C4BPA: variants seen among roughly 807,000 people sequenced by gnomAD.
C4BPA encodes the protein C4b-binding protein alpha chain.
C4BPA carries 31 observed loss-of-function variants against 63.7 expected under a neutral mutation model. The observed-to-expected ratio is 0.49, with a 90% CI of 0.37 to 0.66. The LOEUF (loss-of-function observed/expected upper bound fraction) is 0.66. Ranked by LOEUF, C4BPA falls within the 30% of genes least tolerant of loss-of-function variation. The probability of loss-of-function intolerance (pLI) is 0.00; values close to 1 mark genes in which losing one functional copy is unlikely to be tolerated. For synonymous variants in C4BPA, 259 were observed against 254.7 expected (o/e 1.02, Z -0.16); for missense variants, 572 against 723.3 (o/e 0.79, Z 2.40).
Position 207,115,526 on chromosome 1 carries a change from G to C in C4BPA, c.428+11G>C. 7.3e-7 allele frequency: 1 copy of C among 1,372,158 alleles called. No individual in the cohort carries two copies. Among genetic ancestry groups the C allele is most frequent in the South Asian group, 1.3e-5 (1 of 76,246 alleles). 85.0% of individuals were successfully genotyped at this position (1,372,158 alleles called of 1,614,324 possible). On this transcript the variant is annotated intron_variant, in intron 4 of 11. Coordinates refer to ENST00000367070, the MANE Select transcript of C4BPA (RefSeq NM_000715.4). ...CAGCTGTTCAGAAGGGTGAGTGTGA[G>C]GTAATCTATGAACAATTCTTTTATA...
chr1:207,130,089 A>G (rs1685129074), intron 7 of C4BPA, among the ~76,000 whole-genome samples: 1 of 152,156 alleles, frequency 6.6e-6, no homozygotes, highest in Non-Finnish European at 1.5e-5. Flanking sequence ...AGGAGTAGTA[A>G]TATATATTAT....
intron 9 of C4BPA, among the ~76,000 whole-genome samples, chr1:207,134,884 C>A (rs1572795269): frequency 6.6e-6 from 1 of 152,094 alleles, no homozygotes; most frequent in Non-Finnish European, 1.5e-5. Flanking sequence ...ATTTCTGGTC[C>A]ATATGTCTCA....
At chr1:207,121,630 T>C (rs1362942489) in intron 4 of C4BPA, among the ~76,000 whole-genome samples, 1 of 152,092 alleles carries the variant, frequency 6.6e-6, no homozygotes, top group Non-Finnish European at 1.5e-5. Flanking sequence ...TTTTATCATA[T>C]TATTTCATAT....
chr1:207,106,023 T>C (rs139876574), intron 1 of C4BPA, among the ~76,000 whole-genome samples: 144 of 152,330 alleles, frequency 9.5e-4, no homozygotes, highest in African/African-American at 3.2e-3. Flanking sequence ...AGGTTTAATG[T>C]CATTATTTTA....
rs1272894460 is a variant in C4BPA at position 207,119,843 on chromosome 1, A to C, written c.429-4079A>C. Among the ~76,000 whole-genome samples the C allele has an allele frequency of 4.8e-4, 14 of 29,116 alleles. 2 individuals are homozygous for C. Among genetic ancestry groups the C allele is most frequent in the Non-Finnish European group, 1.3e-3 (10 of 7,906 alleles). The allele number at this position is 29,116 out of a possible 152,430, so 19.1% of individuals were successfully genotyped here. On this transcript the variant is annotated intron_variant, in intron 4 of 11. Transcript: ENST00000367070. ...GGTCATGTGGTTGTAGCAGATATTT[A>C]TAACGATGTTTCTGTTACTTATTCC...
chr1:207,132,634 T>C (rs1250627249), intron 8 of C4BPA, among the ~76,000 whole-genome samples: 8 of 152,172 alleles, frequency 5.3e-5, no homozygotes, highest in African/African-American at 1.9e-4. Context: ...AAGATTTTAA[T>C]AAAAGGACTG....
At chr1:207,114,485 CTTTTTT>C (rs34895847) in intron 3 of C4BPA, among the ~76,000 whole-genome samples, 200 bp downstream of exon 3, 1 of 59,550 alleles carries the variant, frequency 1.7e-5, no homozygotes, top group Non-Finnish European at 3.2e-5. Context: ...TAACTCTGTT[CTTTTTT>C]TTTTTTTTTT....
intron 1 of C4BPA, among the ~76,000 whole-genome samples, chr1:207,106,759 A>G (rs1452087619): frequency 1.3e-5 from 2 of 152,322 alleles, no homozygotes; most frequent in African/African-American, 4.8e-5. Flanking sequence ...GTAAGTTTTA[A>G]GCTAGTTAAA....
At chr1:207,114,683 A>G in intron 3 of C4BPA, 1 of 221,736 alleles carries the variant, frequency 4.5e-6, no homozygotes, top group Non-Finnish European at 8.8e-6. Context: ...AAGTAGATAC[A>G]GGGTTTCACC....
chr1:207,126,956 A>G (rs1047798942), intron 7 of C4BPA, 61 bp downstream of exon 7: 29 of 1,225,974 alleles, frequency 2.4e-5, no homozygotes, highest in Non-Finnish European at 3.4e-5. Flanking sequence ...CGTACTGTTA[A>G]TACGGGTATA....
intron 9 of C4BPA, among the ~76,000 whole-genome samples, chr1:207,138,145 T>C (rs1361198245): frequency 6.6e-6 from 1 of 152,224 alleles, no homozygotes; most frequent in Non-Finnish European, 1.5e-5. Context: ...GTTCAGAGTT[T>C]TCCCCATCCG....
intron 4 of C4BPA, among the ~76,000 whole-genome samples, chr1:207,123,572 T>C (rs1220871075): frequency 2.6e-5 from 4 of 152,082 alleles, no homozygotes; most frequent in African/African-American, 9.7e-5. Context: ...AAGCCAAAGA[T>C]GGGGAGATTG....
intron 9 of C4BPA, among the ~76,000 whole-genome samples, chr1:207,138,994 T>C (rs976659109): frequency 2.0e-5 from 3 of 152,210 alleles, no homozygotes; most frequent in Non-Finnish European, 2.9e-5. Flanking sequence ...ATGCCATTGA[T>C]ATATTGGATC....
Position 207,131,558 on chromosome 1 carries a change from A to G in C4BPA, c.902A>G (p.Asn301Ser), listed in dbSNP as rs764753591. 23 of 1,609,212 alleles carry G rather than the reference A, an allele frequency of 1.4e-5. No individual in the cohort carries two copies. The South Asian group carries it at 2.4e-4, about 17-fold the overall frequency. ...PPACEPNSCI[N>S]LPDIPHASWE... ...CTTTCATGAGTAGATAGTTGTATTA[A>G]TTTACCAGACATTCCACATGCTTCC... Residue 301 changes from asparagine to serine, a missense_variant, in exon 8 of 12, where the codon AAT becomes AGT. Asn to Ser is a conservative substitution (Grantham distance 46). Around this residue, in one of 2 missense-constraint regions of C4BPA, gnomAD observed 465 missense variants for 629.4 expected, o/e 0.74. Coordinates refer to ENST00000367070, the MANE Select transcript of C4BPA (RefSeq NM_000715.4).
intron 4 of C4BPA, among the ~76,000 whole-genome samples, chr1:207,121,748 T>C (rs778380537): frequency 1.8e-4 from 27 of 152,142 alleles, no homozygotes; most frequent in Non-Finnish European, 3.2e-4. Context: ...TTTAAATTTA[T>C]ATAATATCAT....
chr1:207,121,400 G>T (rs1028287093), intron 4 of C4BPA, among the ~76,000 whole-genome samples: 27 of 151,794 alleles, frequency 1.8e-4, no homozygotes, highest in African/African-American at 6.3e-4. Flanking sequence ...TAATAATCTT[G>T]GTTCTGATGT....
chr1:207,143,679 C>T (rs1685468740), intron 10 of C4BPA, 139 bp from the exon 11 acceptor site: 1 of 653,134 alleles, frequency 1.5e-6, no homozygotes, highest in Non-Finnish European at 2.6e-6. Context: ...CAATAAAATG[C>T]TAATATGAAT....
intron 4 of C4BPA, among the ~76,000 whole-genome samples, chr1:207,116,696 G>T (rs978571029): frequency 6.6e-6 from 1 of 151,238 alleles, no homozygotes; most frequent in South Asian, 2.1e-4. Context: ...CCAATATAAG[G>T]TTTAAAAAAA....
intron 4 of C4BPA, among the ~76,000 whole-genome samples, chr1:207,121,982 A>G (rs1684932001): frequency 6.6e-6 from 1 of 152,160 alleles, no homozygotes; most frequent in South Asian, 2.1e-4. Flanking sequence ...TCAGGCAATA[A>G]GGGAATTTAT....
Sources: allele counts gnomAD v4.1 joint callset (sites outside exome capture counted in the v4.1 genomes callset), GRCh38; gene constraint gnomAD v4.1.1; regional missense constraint gnomAD v4.1.1; transcripts MANE v1.5; gene names NCBI Gene and HGNC (gene_info 2026-07-23, HGNC 2026-07-21).